The following DPY19L1 variants were observed in gnomAD, a reference collection of about 807,000 sequenced individuals.
The protein encoded by DPY19L1 is protein C-mannosyl-transferase DPY19L1.
A neutral mutation model predicts 96.9 loss-of-function variants in DPY19L1; 35 were observed. That is an observed-to-expected ratio of 0.36 (90% CI 0.28 to 0.48). The LOEUF (loss-of-function observed/expected upper bound fraction) is 0.48, where lower values mean the gene tolerates loss of function less well. Ranked by LOEUF, DPY19L1 falls within the 20% of genes least tolerant of loss-of-function variation. The pLI is 0.99. For synonymous variants in DPY19L1, 205 were observed against 252.6 expected (o/e 0.81, Z 1.79); for missense variants, 521 against 777.9 (o/e 0.67, Z 3.93).
Position 34,966,968 on chromosome 7 carries a change from C to T in DPY19L1, c.1018G>A (p.Ala340Thr). The T allele has an allele frequency of 6.6e-7, 1 of 1,518,718 alleles. No individual in the cohort carries two copies. The highest frequency in any genetic ancestry group is 8.8e-7 in the Non-Finnish European group (1 of 1,135,636). 94.1% of individuals were successfully genotyped at this position (1,518,718 alleles called of 1,614,324 possible). ...ACAACATATACTGCAAATAATGATGCAATCTGAAATTTAAAAAGAAATTAG... is the reference window on the plus strand; with the variant it reads ...ACAACATATACTGCAAATAATGATGTAATCTGAAATTTAAAAAGAAATTAG... ...FAQFVLLTQI[A>T]SLFAVYVVGY... Residue 340 changes from alanine (A) to threonine (T), a missense_variant, in exon 10 of 22, where the codon GCA (alanine) becomes ACA (threonine). Transcript: ENST00000638088.
At chr7:34,975,162 A>G (rs1306820049) in intron 7 of DPY19L1, among the ~76,000 whole-genome samples, 2 of 152,216 alleles carry the variant, frequency 1.3e-5, no homozygotes, top group East Asian at 3.8e-4. Flanking sequence ...ACTTTAAGTC[A>G]AAGGCTAGAA....
At chr7:34,953,145 G>T (rs1178395786) in intron 13 of DPY19L1, among the ~76,000 whole-genome samples, 2 of 152,086 alleles carry the variant, frequency 1.3e-5, no homozygotes, top group African/African-American at 4.8e-5. Flanking sequence ...GAACTCAGTA[G>T]GAAATAAAAG....
intron 7 of DPY19L1, among the ~76,000 whole-genome samples, chr7:34,978,468 T>C (rs1169541248): frequency 3.3e-5 from 5 of 152,200 alleles, no homozygotes; most frequent in South Asian, 2.1e-4. Context: ...GAGAATGTTA[T>C]AGGTGTTAAG....
At chr7:34,979,459 T>A (rs1021776306) in intron 7 of DPY19L1, among the ~76,000 whole-genome samples, 1 of 152,116 alleles carries the variant, frequency 6.6e-6, no homozygotes, top group Non-Finnish European at 1.5e-5. Flanking sequence ...CAATTCAGGT[T>A]GCTTCTAAAT....
intron 10 of DPY19L1, among the ~76,000 whole-genome samples, chr7:34,960,063 T>C (rs1784470959): frequency 6.6e-6 from 1 of 150,782 alleles, no homozygotes; most frequent in African/African-American, 2.4e-5. Context: ...TGTTAGCAAA[T>C]TTATCTTTCA....
chr7:35,016,398 T>C (rs1007330478), intron 3 of DPY19L1, among the ~76,000 whole-genome samples: 34 of 152,238 alleles, frequency 2.2e-4, no homozygotes, highest in Admixed American at 6.5e-5. Flanking sequence ...CTAGGGAAGC[T>C]ACTCATTTTT....
In DPY19L1 at chr7:34,966,925, C is replaced by T. The variant is rs771851613; in HGVS notation, c.1061G>A (p.Cys354Tyr). The T allele has an allele frequency of 1.9e-5, 29 of 1,542,184 alleles. No homozygotes were observed. Among genetic ancestry groups the T allele is most frequent in the Non-Finnish European group, 2.4e-5 (28 of 1,145,742 alleles). ...AVYVVGYIDICKLRKIIYIHM... is the reference protein window; with the variant it reads ...AVYVVGYIDIYKLRKIIYIHM... ...TATATAAATGATCTTCCGTAATTTACATATATCAATGTACCCGACAACATA... is the reference window on the plus strand; with the variant it reads ...TATATAAATGATCTTCCGTAATTTATATATATCAATGTACCCGACAACATA... The change falls in exon 10 of 22, where the codon TGT becomes TAT. Residue 354 changes from cysteine (C) to tyrosine (Y), a missense_variant. Transcript: ENST00000638088.
intron 10 of DPY19L1, among the ~76,000 whole-genome samples, chr7:34,960,251 T>C (rs542675438): frequency 2.0e-5 from 3 of 151,918 alleles, no homozygotes; most frequent in African/African-American, 4.8e-5. Context: ...CAATAACGTG[T>C]TATTTATAGT....
intron 20 of DPY19L1, among the ~76,000 whole-genome samples, chr7:34,938,412 A>G (rs1022288964): frequency 2.0e-5 from 3 of 152,358 alleles, no homozygotes; most frequent in African/African-American, 4.8e-5. Context: ...TCGCTATCAC[A>G]TGTAAGAGTA....
chr7:34,932,239 C>T (rs1219783959), intron 21 of DPY19L1, among the ~76,000 whole-genome samples: 1 of 152,142 alleles, frequency 6.6e-6, no homozygotes, highest in Non-Finnish European at 1.5e-5. Flanking sequence ...ATAGATGCTC[C>T]TCAACTTACA....
rs559592140 is a variant in DPY19L1, at chr7:35,036,858, C to G, written c.298+239G>C. The stretch of plus-strand genomic sequence containing the variant: ...ATCCCCGGGCCATTCTTTTAAAGCC[C>G]AGGCAGAGCGCGGGTGGGAAGCGTG... On this transcript the variant is annotated intron_variant, in intron 1 of 21. Coordinates refer to ENST00000638088, the MANE Select transcript of DPY19L1 (RefSeq NM_001366673.1). Among the ~76,000 whole-genome samples the G allele has an allele frequency of 2.4e-4, 36 of 151,922 alleles. 1 individual carries two copies. In the South Asian group the frequency reaches 7.5e-3, roughly 32 times the overall value.
At chr7:34,963,414 A>C (rs1348305205) in intron 10 of DPY19L1, among the ~76,000 whole-genome samples, 1 of 152,200 alleles carries the variant, frequency 6.6e-6, no homozygotes, top group Non-Finnish European at 1.5e-5. Context: ...ACTATGGAAA[A>C]GTTTGGCAGT....
chr7:35,021,822 C>CT (rs1472318071), intron 1 of DPY19L1, among the ~76,000 whole-genome samples: 10 of 152,022 alleles, frequency 6.6e-5, no homozygotes, highest in Non-Finnish European at 1.5e-4. Context: ...CTCCTTCTTA[C>CT]TTTTTTAATC....
chr7:34,994,142 T>A (rs1785233265), intron 6 of DPY19L1, among the ~76,000 whole-genome samples: 1 of 152,142 alleles, frequency 6.6e-6, no homozygotes, highest in Non-Finnish European at 1.5e-5. Flanking sequence ...AAAGAGAACA[T>A]GATAAAATCT....
chr7:34,942,045 G>T (rs1331622216), intron 17 of DPY19L1, among the ~76,000 whole-genome samples, 161 bp from the exon 18 acceptor site: 1 of 152,222 alleles, frequency 6.6e-6, no homozygotes, highest in Non-Finnish European at 1.5e-5. Context: ...CTTTCAAACT[G>T]TTCCATTTTA....
rs896777043 is a variant in DPY19L1, at chr7:34,929,120, G to A, written c.*2453C>T. On this transcript the variant is annotated 3_prime_UTR_variant, in exon 22 of 22. Transcript: ENST00000638088. ...TGTTTTCGAAAATGTTGTAGCAATA[G>A]CTATTTTGATCGCTTCTTTGCCCAT... 1 of 152,192 alleles carries A rather than the reference G, an allele frequency of 6.6e-6. No homozygotes were observed. The highest frequency in any genetic ancestry group is 2.4e-5 in the African/African-American group (1 of 41,442). 9.4% of individuals were successfully genotyped at this position (152,192 alleles called of 1,614,324 possible). A position where few individuals can be genotyped will look rare whatever the true frequency, so the allele number is the denominator to read the frequency against.
At chr7:35,032,607 T>C (rs1786287096) in intron 1 of DPY19L1, among the ~76,000 whole-genome samples, 1 of 152,056 alleles carries the variant, frequency 6.6e-6, no homozygotes, top group Non-Finnish European at 1.5e-5. Flanking sequence ...ACTCAGACCT[T>C]TTCTCTCATA....
chr7:34,936,797 T>C (rs1472836237), intron 21 of DPY19L1, among the ~76,000 whole-genome samples: 1 of 152,226 alleles, frequency 6.6e-6, no homozygotes, highest in African/African-American at 2.4e-5. Context: ...TTAGTTTCCT[T>C]GTGAGCAAAG....
chr7:35,006,209 T>A (rs1467605922), intron 6 of DPY19L1, among the ~76,000 whole-genome samples: 1 of 152,212 alleles, frequency 6.6e-6, no homozygotes. Flanking sequence ...AGAGAACTGT[T>A]AAACATATAC....
Sources: allele counts gnomAD v4.1 joint callset (sites outside exome capture counted in the v4.1 genomes callset), GRCh38; gene constraint gnomAD v4.1.1; transcripts MANE v1.5; gene names NCBI Gene and HGNC (gene_info 2026-07-23, HGNC 2026-07-21).